The following DPP10 variants were observed in gnomAD, a reference collection of about 807,000 sequenced individuals.
DPP10 encodes the protein inactive dipeptidyl peptidase 10.
In DPP10, 33 loss-of-function variants were observed where a neutral mutation model predicts 120.9. The observed-to-expected ratio is 0.27, with a 90% CI of 0.21 to 0.37. The LOEUF is 0.37. DPP10 is among the 10% of genes least tolerant of loss of function. The pLI is 1.00. For synonymous variants in DPP10, 337 were observed against 326.1 expected, an observed-to-expected ratio of 1.03 and a Z score of -0.36; for missense variants, 816 against 942.8, an observed-to-expected ratio of 0.87 and a Z score of 1.76.
intron 21 of DPP10, among the ~76,000 whole-genome samples, chr2:115,828,096 T>C (rs1331158792): frequency 1.3e-5 from 2 of 152,108 alleles, no homozygotes; most frequent in African/African-American, 4.8e-5. Flanking sequence ...TTCTTCCAGC[T>C]CTAATGTGTC....
chr2:114,815,832 T>C (rs1685596665), intron 1 of DPP10, among the ~76,000 whole-genome samples: 1 of 152,092 alleles, frequency 6.6e-6, no homozygotes, highest in Non-Finnish European at 1.5e-5. Flanking sequence ...AGGTCCCAGT[T>C]CAGCCACCTG....
intron 1 of DPP10, among the ~76,000 whole-genome samples, chr2:114,522,596 C>T (rs1364524636): frequency 6.6e-6 from 1 of 152,078 alleles, no homozygotes; most frequent in East Asian, 1.9e-4. Flanking sequence ...ATATAATCAG[C>T]AACTGGGGGA....
At chr2:115,744,772 C>T (rs978906280) in intron 9 of DPP10, among the ~76,000 whole-genome samples, 1 of 150,422 alleles carries the variant, frequency 6.6e-6, no homozygotes, top group African/African-American at 2.4e-5. Context: ...TGGGTTTTGT[C>T]AATGCCAATT....
intron 1 of DPP10, among the ~76,000 whole-genome samples, chr2:114,600,298 T>G (rs141059822): frequency 6.6e-6 from 1 of 151,958 alleles, no homozygotes; most frequent in Admixed American, 6.6e-5. Flanking sequence ...TTCTGTAATA[T>G]CCCATTTTCT....
At chr2:114,857,269 A>G (rs1689447751) in intron 1 of DPP10, among the ~76,000 whole-genome samples, 1 of 152,204 alleles carries the variant, frequency 6.6e-6, no homozygotes, top group African/African-American at 2.4e-5. Flanking sequence ...TGTAGTATAG[A>G]AAAACAAAAT....
chr2:115,383,560 C>G (rs1255685458), intron 3 of DPP10, among the ~76,000 whole-genome samples: 1 of 152,160 alleles, frequency 6.6e-6, no homozygotes, highest in Non-Finnish European at 1.5e-5. Flanking sequence ...TTAGTTTTAT[C>G]TGGTTTTCTG....
At chr2:114,801,262 CAA>C (rs1174819592) in intron 1 of DPP10, among the ~76,000 whole-genome samples, 115 of 59,656 alleles carry the variant, frequency 1.9e-3, no homozygotes, top group African/African-American at 5.3e-3. Context: ...GACTCTGTAT[CAA>C]AAAAAAAAAA....
intron 3 of DPP10, among the ~76,000 whole-genome samples, chr2:115,346,932 A>G (rs919605776): frequency 2.0e-5 from 3 of 152,112 alleles, no homozygotes; most frequent in Non-Finnish European, 2.9e-5. Context: ...TCATCCTCAT[A>G]TCTAACATAT....
At chr2:115,350,614 G>C (rs1320093201) in intron 3 of DPP10, among the ~76,000 whole-genome samples, 1 of 152,092 alleles carries the variant, frequency 6.6e-6, no homozygotes, top group Non-Finnish European at 1.5e-5. Flanking sequence ...GGTACAGAGA[G>C]GAGCGTGAGG....
intron 1 of DPP10, among the ~76,000 whole-genome samples, chr2:115,244,264 A>G (rs2058430636): frequency 6.7e-6 from 1 of 148,620 alleles, no homozygotes; most frequent in Non-Finnish European, 1.5e-5. Context: ...AGAGAGAGAG[A>G]GAGAGAGAGA....
At chr2:114,773,859 A>G (rs1463048917) in intron 1 of DPP10, among the ~76,000 whole-genome samples, 1 of 152,146 alleles carries the variant, frequency 6.6e-6, no homozygotes, top group African/African-American at 2.4e-5. Flanking sequence ...TTCTTTTTTA[A>G]ATAGTTATCT....
chr2:114,821,096 A>G (rs2106356990), intron 1 of DPP10, among the ~76,000 whole-genome samples: 1 of 152,346 alleles, frequency 6.6e-6, no homozygotes, highest in South Asian at 2.1e-4. Context: ...TCAAGTGCCA[A>G]GGATACCAGC....
At position 115,494,847 on chromosome 2, in the gene DPP10, T is replaced by A. The variant is rs2076310198; in HGVS notation, c.272-4663T>A. On this transcript the variant is annotated intron_variant, in intron 3 of 25. Transcript: ENST00000410059. ...ACTGATTTGCCAGAGTTTTTTCTAC[T>A]TTTTGAAAACTCTTTCTCTATGTAG... 1.3e-5 allele frequency among the ~76,000 whole-genome samples: 2 copies of A among 152,156 alleles called. 1 individual carries two copies. The highest frequency in any genetic ancestry group is 4.1e-4 in the South Asian group (2 of 4,826).
At chr2:115,017,148 G>T (rs1050111527) in intron 1 of DPP10, among the ~76,000 whole-genome samples, 16 of 150,990 alleles carry the variant, frequency 1.1e-4, no homozygotes, top group Non-Finnish European at 2.9e-5. Flanking sequence ...CATGGCACAT[G>T]TATACATACG....
Position 115,409,589 on chromosome 2 carries a change from G to A in DPP10, c.271+65677G>A, listed in dbSNP as rs182652185. Among the ~76,000 whole-genome samples, 10 of 152,232 alleles carry A rather than the reference G, an allele frequency of 6.6e-5. No individual in the cohort carries two copies. The East Asian group carries it at 9.7e-4, about 15-fold the overall frequency. On this transcript the variant is annotated intron_variant, in intron 3 of 25. Coordinates refer to ENST00000410059, the MANE Select transcript of DPP10 (RefSeq NM_020868.6). ...AAATGTAAACTACTATAACCACTAC[G>A]GAAAACAGTATAGAGATTCTTTAAA...
At chr2:115,818,121 A>C (rs1250921915) in intron 21 of DPP10, among the ~76,000 whole-genome samples, 1 of 152,228 alleles carries the variant, frequency 6.6e-6, no homozygotes, top group Non-Finnish European at 1.5e-5. Flanking sequence ...GTGAGTGCAA[A>C]TGAGAGCAAG....
intron 1 of DPP10, among the ~76,000 whole-genome samples, chr2:114,903,820 A>G (rs1279355245): frequency 6.6e-6 from 1 of 152,204 alleles, no homozygotes; most frequent in African/African-American, 2.4e-5. Context: ...ATGCACATAC[A>G]TCAAGGAAAA....
intron 5 of DPP10, among the ~76,000 whole-genome samples, chr2:115,576,059 C>G (rs2081634627): frequency 6.6e-6 from 1 of 152,142 alleles, no homozygotes; most frequent in Non-Finnish European, 1.5e-5. Flanking sequence ...TTTTATTCTT[C>G]TGAAACTCAT....
At chr2:114,745,008 T>C (rs931136142) in intron 1 of DPP10, among the ~76,000 whole-genome samples, 1 of 152,000 alleles carries the variant, frequency 6.6e-6, no homozygotes, top group Non-Finnish European at 1.5e-5. Context: ...GATCTGCCCA[T>C]TTTGGCCTCC....
Sources: allele counts gnomAD v4.1 joint callset (sites outside exome capture counted in the v4.1 genomes callset), GRCh38; gene constraint gnomAD v4.1.1; transcripts MANE v1.5; gene names NCBI Gene and HGNC (gene_info 2026-07-23, HGNC 2026-07-21).